Variants in COG5 observed in about 807,000 individuals in gnomAD.
COG5 encodes the protein conserved oligomeric Golgi complex subunit 5.
Under a neutral mutation model 110.4 loss-of-function variants are expected in COG5, and 86 were observed. That is an observed-to-expected ratio of 0.78 (90% CI 0.65 to 0.93). The LOEUF (loss-of-function observed/expected upper bound fraction) is 0.93. Ranked by LOEUF, COG5 falls within the 40% of genes least tolerant of loss-of-function variation. The probability of loss-of-function intolerance (pLI) is 0.00; values close to 1 mark genes in which losing one functional copy is unlikely to be tolerated. For missense variants in COG5, 1,077 were observed against 987.0 expected, an observed-to-expected ratio of 1.09 and a Z score of -1.22; for synonymous variants, 360 against 334.6, an observed-to-expected ratio of 1.08 and a Z score of -0.83.
intron 11 of COG5, among the ~76,000 whole-genome samples, chr7:107,311,280 T>C (rs765634395): frequency 9.9e-5 from 15 of 152,050 alleles, no homozygotes; most frequent in Non-Finnish European, 1.6e-4. Flanking sequence ...ATCAAACTTT[T>C]TGATTTTTTG....
intron 7 of COG5, among the ~76,000 whole-genome samples, chr7:107,394,527 T>C (rs1333241585): frequency 6.6e-6 from 1 of 152,200 alleles, no homozygotes; most frequent in Non-Finnish European, 1.5e-5. Context: ...AGGAACACTG[T>C]AACCAAAGCA....
intron 7 of COG5, among the ~76,000 whole-genome samples, chr7:107,380,609 C>T (rs1029306852): frequency 6.6e-6 from 1 of 152,080 alleles, no homozygotes; most frequent in Non-Finnish European, 1.5e-5. Context: ...CAAGACTAAA[C>T]CAGGAAAAAG....
chr7:107,560,320 A>C (rs750780261), intron 1 of COG5, among the ~76,000 whole-genome samples: 5 of 152,226 alleles, frequency 3.3e-5, no homozygotes, highest in Non-Finnish European at 7.3e-5. Context: ...TAACAGCCTA[A>C]GACATAATGA....
rs1802898679 is a variant in COG5 at position 107,256,621 on chromosome 7, T to C, written c.1749+111A>G. 3 of 710,950 alleles carry C rather than the reference T, an allele frequency of 4.2e-6. No individual in the cohort carries two copies. In the African/African-American group the frequency reaches 5.3e-5, roughly 13 times the overall value. The allele number at this position is 710,950 out of a possible 1,614,324, so 44.0% of individuals were successfully genotyped here. On this transcript the variant is annotated intron_variant, in intron 16 of 21. Transcript: ENST00000297135. ...AGGATAATTATCAACATGCTACTTTTGTATATATAGAGGATTCTGAATTAT... is the reference window on the plus strand; with the variant it reads ...AGGATAATTATCAACATGCTACTTTCGTATATATAGAGGATTCTGAATTAT...
chr7:107,452,967 T>C (rs535183316), intron 6 of COG5, among the ~76,000 whole-genome samples: 6 of 152,240 alleles, frequency 3.9e-5, no homozygotes, highest in African/African-American at 7.2e-5. Flanking sequence ...CTGTCTTATG[T>C]AATTGCATAG....
chr7:107,295,961 T>C (rs772591550), intron 12 of COG5, among the ~76,000 whole-genome samples: 2 of 152,088 alleles, frequency 1.3e-5, no homozygotes, highest in Non-Finnish European at 1.5e-5. Flanking sequence ...TACATAATTT[T>C]TTGTTTTTTT....
chr7:107,330,820 T>TC (rs1391129489), intron 10 of COG5, among the ~76,000 whole-genome samples: 7 of 143,656 alleles, frequency 4.9e-5, no homozygotes, highest in African/African-American at 1.8e-4. Context: ...TTGAGCTAGA[T>TC]CCCTTTTTTT....
intron 18 of COG5, among the ~76,000 whole-genome samples, chr7:107,236,064 C>T (rs997846258): frequency 9.2e-5 from 14 of 152,132 alleles, no homozygotes; most frequent in African/African-American, 2.7e-4. Context: ...TGGCAACAAG[C>T]GGTCTCTTTT....
intron 3 of COG5, among the ~76,000 whole-genome samples, chr7:107,553,715 A>G (rs1051462881): frequency 6.6e-6 from 1 of 152,216 alleles, no homozygotes; most frequent in African/African-American, 2.4e-5. Flanking sequence ...TAAAAATCCA[A>G]TTATTACTTG....
chr7:107,451,977 T>C (rs1026218817), intron 6 of COG5, among the ~76,000 whole-genome samples: 2 of 152,148 alleles, frequency 1.3e-5, no homozygotes, highest in Admixed American at 6.5e-5. Flanking sequence ...ATTAATTATG[T>C]ACATATGATT....
chr7:107,401,101 T>C (rs1459650489), intron 7 of COG5, among the ~76,000 whole-genome samples: 1 of 152,112 alleles, frequency 6.6e-6, no homozygotes, highest in African/African-American at 2.4e-5. Flanking sequence ...TTTCCAACCA[T>C]TTAAAAATAT....
At chr7:107,416,344 A>G (rs1419614975) in intron 6 of COG5, among the ~76,000 whole-genome samples, 1 of 152,096 alleles carries the variant, frequency 6.6e-6, no homozygotes, top group East Asian at 1.9e-4. Context: ...TATGGTATAA[A>G]TATCAATAAC....
At chr7:107,467,428 C>T (rs2129105496) in intron 6 of COG5, among the ~76,000 whole-genome samples, 1 of 152,274 alleles carries the variant, frequency 6.6e-6, no homozygotes. Context: ...GCAATCGCAG[C>T]TCACTGCAAT....
At position 107,412,556 on chromosome 7, in the gene COG5, T is replaced by G; in HGVS notation, c.615A>C (p.Arg205=). 6.2e-7 allele frequency: 1 copy of G among 1,612,716 alleles called. No homozygotes were observed. Among genetic ancestry groups the G allele is most frequent in the Admixed American group, 1.7e-5 (1 of 60,010 alleles). Reference sequence around the variant, plus strand: ...GCTTAGCTTGATTTTCCACTTCAAGTCGGGCTCTTGCAATAAAAAGTAGAT... The same window carrying G: ...GCTTAGCTTGATTTTCCACTTCAAGGCGGGCTCTTGCAATAAAAAGTAGAT... The part of the protein sequence containing the change: ...ENDLLFIARA[R]LEVENQAKRL... Residue 205 remains arginine (R), a synonymous_variant, in exon 7 of 22, where the codon CGA becomes CGC. Coordinates refer to ENST00000297135, the MANE Select transcript of COG5 (RefSeq NM_006348.5).
intron 1 of COG5, 125 bp downstream of exon 1, chr7:107,563,678 G>A (rs755933294): frequency 7.6e-6 from 8 of 1,058,534 alleles, no homozygotes; most frequent in Non-Finnish European, 1.2e-5. Flanking sequence ...GCCGGGCGGA[G>A]GGGAGTGGTC....
At chr7:107,507,785 TATC>T (rs1389718138) in intron 6 of COG5, among the ~76,000 whole-genome samples, 1 of 152,162 alleles carries the variant, frequency 6.6e-6, no homozygotes, top group Non-Finnish European at 1.5e-5. Context: ...GATTAAGAAA[TATC>T]ATAGCTACAA....
At chr7:107,327,553 G>T (rs974639818) in intron 10 of COG5, among the ~76,000 whole-genome samples, 9 of 151,816 alleles carry the variant, frequency 5.9e-5, no homozygotes, top group African/African-American at 2.2e-4. Flanking sequence ...ATCTAATAAG[G>T]AGTTAATATT....
Position 107,358,940 on chromosome 7 carries a change from G to A in COG5, c.1026+3093C>T, listed in dbSNP as rs549775520. Reference sequence around the variant, plus strand: ...TTTTTCCTTTTGCTGATTTTGCTGCGCATCCTTTCATTGTCACAAATCATA... The same window carrying A: ...TTTTTCCTTTTGCTGATTTTGCTGCACATCCTTTCATTGTCACAAATCATA... On this transcript the variant is annotated intron_variant, in intron 10 of 21. Coordinates refer to ENST00000297135, the MANE Select transcript of COG5 (RefSeq NM_006348.5). Among the ~76,000 whole-genome samples, 9 of 152,196 alleles carry A rather than the reference G, an allele frequency of 5.9e-5. No homozygotes were observed. In the South Asian group the frequency reaches 8.3e-4, roughly 14 times the overall value.
At chr7:107,522,450 G>A (rs575560708) in intron 6 of COG5, among the ~76,000 whole-genome samples, 46 of 152,210 alleles carry the variant, frequency 3.0e-4, no homozygotes, top group African/African-American at 7.2e-4. Context: ...CCTGTGCAAC[G>A]AGAGTGAAAC....
Sources: allele counts gnomAD v4.1 joint callset (sites outside exome capture counted in the v4.1 genomes callset), GRCh38; gene constraint gnomAD v4.1.1; transcripts MANE v1.5; gene names NCBI Gene and HGNC (gene_info 2026-07-23, HGNC 2026-07-21).